The following ATP9B variants were observed in gnomAD, a reference collection of about 807,000 sequenced individuals.
ATP9B encodes the protein ATPase phospholipid transporting 9B, also known as probable phospholipid-transporting ATPase IIB.
Under a neutral mutation model 146.1 loss-of-function variants are expected in ATP9B, and 110 were observed. The observed-to-expected ratio is 0.75, with a 90% CI of 0.65 to 0.88. The LOEUF (loss-of-function observed/expected upper bound fraction) is 0.88, where lower values mean the gene tolerates loss of function less well. Among genes scored for constraint, ATP9B ranks in the 40% least tolerant of loss-of-function variants. ATP9B has a pLI of 0.00. For missense variants in ATP9B, 1,499 were observed against 1,496.4 expected (o/e 1.00, Z -0.03); for synonymous variants, 604 against 569.7 (o/e 1.06, Z -0.86).
At chr18:79,126,622 G>A (rs1384385110) in intron 5 of ATP9B, among the ~76,000 whole-genome samples, 3 of 152,122 alleles carry the variant, frequency 2.0e-5, no homozygotes, top group Admixed American at 2.0e-4. Context: ...AACCACACAA[G>A]CATGTACATG....
chr18:79,142,934 T>G (rs1267351558), intron 5 of ATP9B, among the ~76,000 whole-genome samples: 2 of 152,224 alleles, frequency 1.3e-5, no homozygotes, highest in African/African-American at 4.8e-5. Flanking sequence ...CAACATAAAC[T>G]GAATGTAAAA....
chr18:79,201,411 G>A (rs981689601), intron 9 of ATP9B, among the ~76,000 whole-genome samples: 1 of 152,132 alleles, frequency 6.6e-6, no homozygotes, highest in Non-Finnish European at 1.5e-5. Flanking sequence ...ATATACATAA[G>A]ACAAAATATC....
chr18:79,351,396 C>T (rs1351479372), intron 25 of ATP9B, among the ~76,000 whole-genome samples: 4 of 152,166 alleles, frequency 2.6e-5, no homozygotes, highest in African/African-American at 9.7e-5. Context: ...ACAAAAGAAA[C>T]GTCTGTGACT....
At chr18:79,339,120 C>T (rs1049249686) in intron 19 of ATP9B, among the ~76,000 whole-genome samples, 2 of 151,124 alleles carry the variant, frequency 1.3e-5, no homozygotes, top group Non-Finnish European at 2.9e-5. Flanking sequence ...GGAAGTGTGC[C>T]ATGATCGAAT....
intron 2 of ATP9B, among the ~76,000 whole-genome samples, chr18:79,107,017 T>A (rs1453834744): frequency 6.6e-6 from 1 of 152,252 alleles, no homozygotes; most frequent in Non-Finnish European, 1.5e-5. Flanking sequence ...TAATATTTGA[T>A]TTTTCATTTT....
chr18:79,243,708 A>G (rs919115889), intron 11 of ATP9B, among the ~76,000 whole-genome samples: 1 of 152,252 alleles, frequency 6.6e-6, no homozygotes, highest in Non-Finnish European at 1.5e-5. Flanking sequence ...AATTTTCCTG[A>G]TCATTGTCAT....
At chr18:79,319,474 T>C (rs1000515213) in intron 15 of ATP9B, among the ~76,000 whole-genome samples, 1 of 152,034 alleles carries the variant, frequency 6.6e-6, no homozygotes, top group African/African-American at 2.4e-5. Flanking sequence ...GGCCCCCGCC[T>C]CTCCTGGCTA....
At chr18:79,228,115 A>C (rs191694497) in intron 11 of ATP9B, among the ~76,000 whole-genome samples, 1 of 152,232 alleles carries the variant, frequency 6.6e-6, no homozygotes, top group Admixed American at 6.5e-5. Flanking sequence ...TCTTTAGCCC[A>C]AAAAATAGCC....
chr18:79,193,613 G>T (rs2095390089), intron 9 of ATP9B, among the ~76,000 whole-genome samples: 1 of 152,048 alleles, frequency 6.6e-6, no homozygotes, highest in Non-Finnish European at 1.5e-5. Context: ...AGTTGGGTGG[G>T]TATTTATATA....
chr18:79,101,012 A>G (rs914846277), intron 2 of ATP9B, among the ~76,000 whole-genome samples: 2 of 152,054 alleles, frequency 1.3e-5, no homozygotes, highest in Non-Finnish European at 2.9e-5. Context: ...CAGCCAAACC[A>G]TATCAGGTTT....
At chr18:79,323,276 C>G (rs1157031824) in intron 15 of ATP9B, among the ~76,000 whole-genome samples, 1 of 152,154 alleles carries the variant, frequency 6.6e-6, no homozygotes, top group Non-Finnish European at 1.5e-5. Flanking sequence ...TTTATCGTTG[C>G]TTCGCGTTAG....
chr18:79,171,890 TTG>T (rs2095078743), intron 7 of ATP9B, among the ~76,000 whole-genome samples: 1 of 151,380 alleles, frequency 6.6e-6, no homozygotes, highest in Admixed American at 6.6e-5. Context: ...TTTTTTTTGT[TTG>T]TTTGTTTGTT....
At chr18:79,372,640 A>G in intron 26 of ATP9B, 185 bp from the exon 27 acceptor site, 2 of 676,728 alleles carry the variant, frequency 3.0e-6, no homozygotes, top group Non-Finnish European at 5.5e-6. Context: ...GGACCCAGGC[A>G]GCTTCTTCAG....
intron 3 of ATP9B, among the ~76,000 whole-genome samples, chr18:79,112,354 A>C (rs769843742): frequency 6.6e-6 from 1 of 152,176 alleles, no homozygotes; most frequent in Non-Finnish European, 1.5e-5. Flanking sequence ...TTGATTTTCA[A>C]TGTAAATCTA....
intron 9 of ATP9B, among the ~76,000 whole-genome samples, chr18:79,199,753 A>C (rs1173412456): frequency 8.0e-6 from 1 of 125,366 alleles, no homozygotes; most frequent in Non-Finnish European, 1.7e-5. Context: ...ACAGAACAAG[A>C]CTACATCTGA....
Position 79,093,196 on chromosome 18 carries a change from T to A in ATP9B, c.120-3280T>A, listed in dbSNP as rs537576349. 2.0e-4 allele frequency among the ~76,000 whole-genome samples: 31 copies of A among 152,348 alleles called. No individual in the cohort carries two copies. In the South Asian group the frequency reaches 6.0e-3, roughly 30 times the overall value. Reference sequence around the variant, plus strand: ...TCATTATGCAGCGATTAACTGTTTATTTTTCCATTTTTTTTACTTTTAATC... The same window carrying A: ...TCATTATGCAGCGATTAACTGTTTAATTTTCCATTTTTTTTACTTTTAATC... On this transcript the variant is annotated intron_variant, in intron 1 of 29. Coordinates refer to ENST00000426216, the MANE Select transcript of ATP9B (RefSeq NM_198531.5).
chr18:79,118,182 A>G (rs2094120774), intron 4 of ATP9B, among the ~76,000 whole-genome samples: 1 of 152,254 alleles, frequency 6.6e-6, no homozygotes, highest in South Asian at 2.1e-4. Flanking sequence ...GTTCATAAGC[A>G]TTGTTATAAT....
intron 12 of ATP9B, among the ~76,000 whole-genome samples, chr18:79,270,038 A>G (rs1228356554): frequency 6.6e-6 from 1 of 152,226 alleles, no homozygotes; most frequent in East Asian, 1.9e-4. Flanking sequence ...ACTTAACATA[A>G]TCACTGCCCG....
intron 23 of ATP9B, among the ~76,000 whole-genome samples, 183 bp from the exon 24 acceptor site, chr18:79,347,587 C>T (rs2096897204): frequency 6.6e-6 from 1 of 152,248 alleles, no homozygotes; most frequent in African/African-American, 2.4e-5. Flanking sequence ...GTGCTGGGGG[C>T]TCTTCCTGCC....
Sources: allele counts gnomAD v4.1 joint callset (sites outside exome capture counted in the v4.1 genomes callset), GRCh38; gene constraint gnomAD v4.1.1; transcripts MANE v1.5; gene names NCBI Gene and HGNC (gene_info 2026-07-23, HGNC 2026-07-21).